PKHD1: variants seen among roughly 807,000 people sequenced by gnomAD.
PKHD1 encodes the protein fibrocystin.
A neutral mutation model predicts 412.0 loss-of-function variants in PKHD1; 291 were observed. The observed-to-expected ratio is 0.71, with a 90% CI of 0.64 to 0.78. The LOEUF is 0.78. PKHD1 is among the 30% of genes least tolerant of loss of function. The pLI, the probability that PKHD1 is intolerant of heterozygous loss-of-function variation, is 0.00. For synonymous variants in PKHD1, 1,777 were observed against 1,821.5 expected (o/e 0.98, Z 0.62); for missense variants, 4,825 against 4,950.7 (o/e 0.97, Z 0.76).
chr6:51,676,486 T>C (rs1386451021), intron 60 of PKHD1, among the ~76,000 whole-genome samples: 1 of 152,148 alleles, frequency 6.6e-6, no homozygotes, highest in East Asian at 1.9e-4. Flanking sequence ...TTGTAATATA[T>C]TTCACAATTC....
At chr6:52,019,149 AT>A (rs1801009177) in intron 33 of PKHD1, among the ~76,000 whole-genome samples, 1 of 152,194 alleles carries the variant, frequency 6.6e-6, no homozygotes. Context: ...GAAAACCTTA[AT>A]AAAGAGGGAA....
chr6:51,628,553 CT>C (rs1767558113), intron 65 of PKHD1, among the ~76,000 whole-genome samples: 1 of 151,988 alleles, frequency 6.6e-6, no homozygotes. Context: ...TACATGTGTC[CT>C]TTTGGTAGAC....
intron 63 of PKHD1, among the ~76,000 whole-genome samples, chr6:51,647,629 T>C (rs1357471962): frequency 6.6e-6 from 1 of 152,164 alleles, no homozygotes; most frequent in African/African-American, 2.4e-5. Flanking sequence ...GAAATCATAT[T>C]GTACTTGGTA....
At chr6:51,762,561 A>C (rs2151070113) in intron 55 of PKHD1, among the ~76,000 whole-genome samples, 1 of 152,158 alleles carries the variant, frequency 6.6e-6, no homozygotes, top group Non-Finnish European at 1.5e-5. Flanking sequence ...TATCTTGCTA[A>C]GCTTACTTTG....
In PKHD1 at chr6:52,058,510, G is replaced by C. The variant is rs1199655735; in HGVS notation, c.1325C>G (p.Pro442Arg). 1 of 1,614,138 alleles carries C rather than the reference G, an allele frequency of 6.2e-7. No homozygotes were observed. Among genetic ancestry groups the C allele is most frequent in the Admixed American group, 1.7e-5 (1 of 60,020 alleles). ...RDEGTWQQKT[P>R]KLELLGGAMY... ...GGCTCCACCCAACAGCTCCAACTTG[G>C]GAGTCTTCTGCTGCCAGGTCCCTTC... Residue 442 changes from proline to arginine, a missense_variant, in exon 16 of 67, where the codon CCC becomes CGC. Transcript: ENST00000371117.
intron 51 of PKHD1, among the ~76,000 whole-genome samples, chr6:51,832,524 G>A (rs571026153): frequency 6.6e-6 from 1 of 152,196 alleles, no homozygotes; most frequent in East Asian, 1.9e-4. Flanking sequence ...GAGACTTCCA[G>A]CACATTAAGA....
At chr6:51,776,409 G>A (rs562684181) in intron 53 of PKHD1, among the ~76,000 whole-genome samples, 1 of 152,034 alleles carries the variant, frequency 6.6e-6, no homozygotes, top group South Asian at 2.1e-4. Flanking sequence ...TGAATAGAAT[G>A]CACAAGCTGG....
intron 4 of PKHD1, among the ~76,000 whole-genome samples, chr6:52,081,785 A>C (rs1222813824): frequency 6.6e-6 from 1 of 152,212 alleles, no homozygotes; most frequent in Admixed American, 6.5e-5. Context: ...GAGAACAGAA[A>C]AGAAAAGGAA....
intron 51 of PKHD1, among the ~76,000 whole-genome samples, chr6:51,833,075 G>A (rs1462205165): frequency 3.3e-5 from 5 of 152,144 alleles, no homozygotes; most frequent in Non-Finnish European, 7.4e-5. Flanking sequence ...AGAGTAAGGG[G>A]TATTTGTCAG....
At chr6:51,802,171 C>T (rs1018886327) in intron 52 of PKHD1, among the ~76,000 whole-genome samples, 11 of 146,956 alleles carry the variant, frequency 7.5e-5, no homozygotes, top group African/African-American at 2.5e-4. Flanking sequence ...TCAGAGTGGA[C>T]GACATGGCAT....
At chr6:52,003,647 T>A (rs957864610) in intron 35 of PKHD1, among the ~76,000 whole-genome samples, 1 of 152,196 alleles carries the variant, frequency 6.6e-6, no homozygotes, top group Non-Finnish European at 1.5e-5. Context: ...AAACTCTTCC[T>A]TCACCTGGAT....
chr6:51,996,861 G>C (rs747591275), intron 35 of PKHD1, among the ~76,000 whole-genome samples: 2 of 152,176 alleles, frequency 1.3e-5, no homozygotes, highest in South Asian at 2.1e-4. Flanking sequence ...CCATTCTCCA[G>C]CTTTCCACTT....
At chr6:51,674,233 A>G (rs1775476739) in intron 60 of PKHD1, among the ~76,000 whole-genome samples, 1 of 152,172 alleles carries the variant, frequency 6.6e-6, no homozygotes, top group South Asian at 2.1e-4. Flanking sequence ...CTATCACATA[A>G]TGGTTGCTTA....
intron 8 of PKHD1, among the ~76,000 whole-genome samples, 173 bp downstream of exon 8, chr6:52,071,942 C>T (rs573875970): frequency 2.0e-5 from 3 of 152,094 alleles, no homozygotes; most frequent in Non-Finnish European, 4.4e-5. Context: ...GAATCAATCC[C>T]TGTGTCTTTT....
intron 35 of PKHD1, among the ~76,000 whole-genome samples, chr6:51,996,505 G>A (rs1406706236): frequency 6.6e-6 from 1 of 152,186 alleles, no homozygotes; most frequent in Admixed American, 6.5e-5. Context: ...TTTTGAAACA[G>A]GAAGACGCAC....
intron 52 of PKHD1, among the ~76,000 whole-genome samples, chr6:51,814,771 C>T (rs944470302): frequency 1.3e-5 from 2 of 152,128 alleles, no homozygotes; most frequent in Non-Finnish European, 2.9e-5. Context: ...GAAAGGCCAC[C>T]GGCTCACCAG....
intron 11 of PKHD1, among the ~76,000 whole-genome samples, chr6:52,068,608 T>TCTCATAGTTAAGTGAATTCA (rs1403507030): frequency 6.6e-6 from 1 of 152,234 alleles, no homozygotes; most frequent in Non-Finnish European, 1.5e-5. Context: ...TGTTAATCCA[T>TCTCATAGTTAAGTGAATTCA]CTCATAGTTA....
intron 37 of PKHD1, among the ~76,000 whole-genome samples, chr6:51,933,204 T>C (rs921369822): frequency 2.0e-5 from 3 of 152,180 alleles, no homozygotes; most frequent in Admixed American, 6.5e-5. Flanking sequence ...GCACACCTGG[T>C]AATTTCCTGA....
chr6:51,769,616 T>C (rs1257399017), intron 55 of PKHD1, among the ~76,000 whole-genome samples: 2 of 151,546 alleles, frequency 1.3e-5, no homozygotes, highest in South Asian at 4.2e-4. Context: ...ATTTCACCAA[T>C]TTCTGCCTTT....
Sources: allele counts gnomAD v4.1 joint callset (sites outside exome capture counted in the v4.1 genomes callset), GRCh38; gene constraint gnomAD v4.1.1; transcripts MANE v1.5; gene names NCBI Gene and HGNC (gene_info 2026-07-23, HGNC 2026-07-21).